The following NRG1 variants were observed in gnomAD, a reference collection of about 807,000 sequenced individuals.
The protein encoded by NRG1 is pro-neuregulin-1, membrane-bound isoform.
Under a neutral mutation model 63.8 loss-of-function variants are expected in NRG1, and 18 were observed. That is an observed-to-expected ratio of 0.28 (90% CI 0.19 to 0.42). The LOEUF (loss-of-function observed/expected upper bound fraction) is 0.42. Ranked by LOEUF, NRG1 falls within the 10% of genes least tolerant of loss-of-function variation. The pLI, the probability that NRG1 is intolerant of heterozygous loss-of-function variation, is 1.00. For synonymous variants in NRG1, 302 were observed against 301.3 expected (o/e 1.00, Z -0.02); for missense variants, 762 against 814.7 (o/e 0.94, Z 0.79).
intron 1 of NRG1, among the ~76,000 whole-genome samples, chr8:32,351,115 A>G (rs1563346660): frequency 1.3e-5 from 2 of 152,088 alleles, no homozygotes. Context: ...ATGTAACTCC[A>G]CTTTTTAGAG....
intron 1 of NRG1, among the ~76,000 whole-genome samples, chr8:32,056,225 G>C (rs928330441): frequency 6.6e-6 from 1 of 152,106 alleles, no homozygotes; most frequent in African/African-American, 2.4e-5. Context: ...AGTTGCGAGA[G>C]AATATGGCTT....
At chr8:32,421,073 C>T (rs2129486111) in intron 1 of NRG1, among the ~76,000 whole-genome samples, 1 of 152,292 alleles carries the variant, frequency 6.6e-6, no homozygotes, top group East Asian at 1.9e-4. Flanking sequence ...TCAATTAAAC[C>T]TCTTTTCTTT....
rs1586873117 is a variant in NRG1 at position 32,069,153 on chromosome 8, T to C, written c.37+429722T>C. The stretch of plus-strand genomic sequence containing the variant: ...TGTCTGCTCACAGGCAGGAGACTTA[T>C]ACCAGAACTGTGTTTACTGGAAGTC... On this transcript the variant is annotated intron_variant, in intron 1 of 10. Coordinates refer to the NRG1 transcript ENST00000519301. 2.6e-5 allele frequency among the ~76,000 whole-genome samples: 4 copies of C among 152,334 alleles called. No homozygotes were observed. The South Asian group carries it at 6.2e-4, about 24-fold the overall frequency.
intron 1 of NRG1, among the ~76,000 whole-genome samples, chr8:31,815,789 C>T (rs1347445935): frequency 6.6e-6 from 1 of 152,022 alleles, no homozygotes; most frequent in Non-Finnish European, 1.5e-5. Context: ...TGGTTTTTGC[C>T]ATTAAAAGTA....
At chr8:31,702,834 G>A (rs527895365) in intron 1 of NRG1, among the ~76,000 whole-genome samples, 85 of 151,954 alleles carry the variant, frequency 5.6e-4, no homozygotes, top group Non-Finnish European at 1.0e-3. Flanking sequence ...TGAAAGTTTT[G>A]ATGATTTCCT....
intron 1 of NRG1, among the ~76,000 whole-genome samples, chr8:31,888,575 A>AT (rs1289592777): frequency 2.0e-5 from 3 of 151,854 alleles, no homozygotes; most frequent in South Asian, 4.2e-4. Context: ...AGGTCAGTGC[A>AT]TTTTTTTCCT....
chr8:31,789,701 T>A (rs1453426339), intron 1 of NRG1, among the ~76,000 whole-genome samples: 1 of 152,224 alleles, frequency 6.6e-6, no homozygotes, highest in East Asian at 1.9e-4. Context: ...CCCACCTATA[T>A]GTTTTTACGC....
chr8:31,709,121 T>C (rs1052207977), intron 1 of NRG1, among the ~76,000 whole-genome samples: 3 of 152,064 alleles, frequency 2.0e-5, no homozygotes, highest in Non-Finnish European at 4.4e-5. Context: ...TTCAGACCCA[T>C]GTTGTTCAAG....
chr8:32,475,791 C>G (rs1270745436), intron 1 of NRG1, among the ~76,000 whole-genome samples: 1 of 152,124 alleles, frequency 6.6e-6, no homozygotes, highest in Non-Finnish European at 1.5e-5. Context: ...TTAAATAAAT[C>G]TAGATGAAAA....
At chr8:32,305,884 A>G (rs1456937920) in intron 1 of NRG1, among the ~76,000 whole-genome samples, 1 of 152,216 alleles carries the variant, frequency 6.6e-6, no homozygotes, top group Non-Finnish European at 1.5e-5. Context: ...TAAAAAAATC[A>G]TGAGGCAGTC....
intron 1 of NRG1, among the ~76,000 whole-genome samples, chr8:32,295,024 T>C (rs973896027): frequency 6.6e-6 from 1 of 152,166 alleles, no homozygotes; most frequent in Non-Finnish European, 1.5e-5. Flanking sequence ...TCTGCTGATG[T>C]TACTGTTAAA....
chr8:31,716,923 A>G (rs1446840041), intron 1 of NRG1, among the ~76,000 whole-genome samples: 1 of 152,242 alleles, frequency 6.6e-6, no homozygotes, highest in African/African-American at 2.4e-5. Flanking sequence ...TCTCTATTTC[A>G]TGGGTTAAAG....
chr8:32,541,724 C>T (rs1481552210), intron 1 of NRG1, among the ~76,000 whole-genome samples: 2 of 152,138 alleles, frequency 1.3e-5, no homozygotes, highest in Non-Finnish European at 2.9e-5. Context: ...GCCATCAAAG[C>T]ATCTGAATCT....
chr8:32,654,869 G>T (rs1246310634), intron 5 of NRG1, among the ~76,000 whole-genome samples: 1 of 152,104 alleles, frequency 6.6e-6, no homozygotes, highest in African/African-American at 2.4e-5. Flanking sequence ...ATTTACTTCT[G>T]AAGTCTCTTA....
At chr8:32,485,069 G>A (rs1825749093) in intron 1 of NRG1, among the ~76,000 whole-genome samples, 1 of 151,964 alleles carries the variant, frequency 6.6e-6, no homozygotes, top group Admixed American at 6.6e-5. Context: ...TTCTCTACCT[G>A]TTACTTCCTC....
intron 1 of NRG1, among the ~76,000 whole-genome samples, chr8:32,295,015 C>T: frequency 6.6e-6 from 1 of 152,118 alleles, no homozygotes; most frequent in Non-Finnish European, 1.5e-5. Context: ...AATCCTCTCT[C>T]TGCTGATGTT....
chr8:31,834,598 C>T (rs1397296982), intron 1 of NRG1, among the ~76,000 whole-genome samples: 1 of 152,166 alleles, frequency 6.6e-6, no homozygotes, highest in Non-Finnish European at 1.5e-5. Flanking sequence ...GCAGTCCCTG[C>T]TGCTCTGGAG....
chr8:32,311,979 T>C (rs1179303537), intron 1 of NRG1, among the ~76,000 whole-genome samples: 1 of 152,114 alleles, frequency 6.6e-6, no homozygotes. Context: ...GGATAATCCA[T>C]GCAGTGTTTG....
At chr8:32,541,911 ACT>A (rs1338505702) in intron 1 of NRG1, among the ~76,000 whole-genome samples, 1 of 152,104 alleles carries the variant, frequency 6.6e-6, no homozygotes, top group Non-Finnish European at 1.5e-5. Context: ...TGATGAAATG[ACT>A]CTATGGGGAT....
Sources: gnomAD v4.1 joint callset for allele counts (sites outside exome capture counted in the v4.1 genomes callset) on GRCh38, gnomAD v4.1.1 for gene constraint, MANE v1.5 for transcripts, NCBI Gene and HGNC (gene_info 2026-07-23, HGNC 2026-07-21) for gene names.